Variants in KIRREL3 observed in about 807,000 individuals in gnomAD.
The protein encoded by KIRREL3 is kirre like nephrin family adhesion molecule 3.
In KIRREL3, 36 loss-of-function variants were observed where a neutral mutation model predicts 89.7. The ratio of observed to expected loss-of-function variants is 0.40; its 90% CI spans 0.31 to 0.53. The LOEUF (loss-of-function observed/expected upper bound fraction) is 0.53. KIRREL3 is among the 20% of genes least tolerant of loss of function. KIRREL3 has a pLI of 0.49. For missense variants in KIRREL3, 864 were observed against 1,056.6 expected (o/e 0.82, Z 2.53); for synonymous variants, 445 against 441.4 (o/e 1.01, Z -0.10).
intron 1 of KIRREL3, among the ~76,000 whole-genome samples, chr11:126,874,960 T>C (rs762226585): frequency 2.6e-5 from 4 of 152,188 alleles, no homozygotes; most frequent in Non-Finnish European, 5.9e-5. Context: ...TGTGTCTCAC[T>C]GCCCTAAATC....
chr11:126,513,784 A>G lies in KIRREL3; in HGVS notation c.433+7531T>C, dbSNP rs545455426. Among the ~76,000 whole-genome samples, 50 of 152,264 alleles carry G rather than the reference A, an allele frequency of 3.3e-4. 1 individual carries two copies. In the South Asian group the frequency reaches 0.01, roughly 31 times the overall value. On this transcript the variant is annotated intron_variant, in intron 4 of 16. Transcript: ENST00000525144. The surrounding 1 kb of genome is among the most constrained non-coding windows in gnomAD (Gnocchi z 5.9). ...GGGGCGACCCGCACACCTCAACTCAATGGCTGCAAGACCTCCAGGGAGACC... is the reference window on the plus strand; with the variant it reads ...GGGGCGACCCGCACACCTCAACTCAGTGGCTGCAAGACCTCCAGGGAGACC...
In KIRREL3 at chr11:126,656,538, A is replaced by G. The variant is rs754056278; in HGVS notation, c.56-93626T>C. Among the ~76,000 whole-genome samples, 10 of 152,208 alleles carry G rather than the reference A, an allele frequency of 6.6e-5. No homozygotes were observed. Among genetic ancestry groups the G allele is most frequent in the Non-Finnish European group, 1.2e-4 (8 of 68,040 alleles). ...TAAGTGGGGGATAAGGCAGCAGGTGACAGTGGTTGCGTGCTCCTGGGCACC... is the reference window on the plus strand; with the variant it reads ...TAAGTGGGGGATAAGGCAGCAGGTGGCAGTGGTTGCGTGCTCCTGGGCACC... On this transcript the variant is annotated intron_variant, in intron 1 of 16. Transcript: ENST00000525144. The surrounding 1 kb of genome is among the most constrained non-coding windows in gnomAD (Gnocchi z 4.0).
intron 1 of KIRREL3, among the ~76,000 whole-genome samples, chr11:126,861,724 A>G (rs955655333): frequency 1.3e-5 from 2 of 152,224 alleles, no homozygotes. Flanking sequence ...TTCACGTTTT[A>G]TCTGGCAGTC....
Position 126,814,875 on chromosome 11 carries a change from C to T in KIRREL3, c.55+185580G>A, listed in dbSNP as rs1350544510. Reference sequence around the variant, plus strand: ...TCATCGGTGCAGCGAACCACCATGGCACACGTATCTATGTAACAAACCTGC... The same window carrying T: ...TCATCGGTGCAGCGAACCACCATGGTACACGTATCTATGTAACAAACCTGC... On this transcript the variant is annotated intron_variant, in intron 1 of 16. Transcript: ENST00000525144. The surrounding 1 kb of genome is among the most constrained non-coding windows in gnomAD (Gnocchi z 4.4). Among the ~76,000 whole-genome samples, 2 of 152,156 alleles carry T rather than the reference C, an allele frequency of 1.3e-5. No individual in the cohort carries two copies. Among genetic ancestry groups the T allele is most frequent in the Non-Finnish European group, 2.9e-5 (2 of 68,044 alleles).
chr11:126,480,200 G>A (rs1333525499), intron 4 of KIRREL3, among the ~76,000 whole-genome samples: 1 of 152,140 alleles, frequency 6.6e-6, no homozygotes, highest in Non-Finnish European at 1.5e-5. Flanking sequence ...TATATAATCC[G>A]ACAACCTTAA....
chr11:126,537,412 G>A lies in KIRREL3; in HGVS notation c.134-10725C>T, dbSNP rs1303174579. On this transcript the variant is annotated intron_variant, in intron 2 of 16. Transcript: ENST00000525144. This position sits in a 1 kb window ranked among gnomAD's most constrained non-coding sequence, Gnocchi z 4.3. ...TTTAAGAGAATCTTGCTTCAAGCAA[G>A]GGAGTTGTGGGGAGGAAGCAGAGAA... 6.6e-6 allele frequency among the ~76,000 whole-genome samples: 1 copy of A among 152,232 alleles called. No individual in the cohort carries two copies. Among genetic ancestry groups the A allele is most frequent in the African/African-American group, 2.4e-5 (1 of 41,464 alleles).
intron 2 of KIRREL3, among the ~76,000 whole-genome samples, chr11:126,552,842 C>T (rs528772349): frequency 2.0e-5 from 3 of 152,012 alleles, no homozygotes; most frequent in South Asian, 2.1e-4. Flanking sequence ...GGATTACAGG[C>T]GTGAGCCACC....
chr11:126,585,869 A>C (rs562079753), intron 1 of KIRREL3, among the ~76,000 whole-genome samples: 1 of 152,244 alleles, frequency 6.6e-6, no homozygotes, highest in African/African-American at 2.4e-5. Flanking sequence ...TCCCGCACGG[A>C]ACGTGATTGG....
rs892111214 is a variant in KIRREL3, at chr11:126,429,676, A to C, written c.1697-388T>G. ...GGGCTCCAATCCCTCCATTCATAGA[A>C]CCATAAATCTCAGTGTTGGAAAGGA... On this transcript the variant is annotated intron_variant, in intron 14 of 16. Coordinates refer to ENST00000525144, the MANE Select transcript of KIRREL3 (RefSeq NM_032531.4). The surrounding 1 kb of genome is among the most constrained non-coding windows in gnomAD (Gnocchi z 5.2). 1.1e-4 allele frequency among the ~76,000 whole-genome samples: 17 copies of C among 152,274 alleles called. No homozygotes were observed. The highest frequency in any genetic ancestry group is 3.4e-3 in the Middle Eastern group (1 of 294).
intron 1 of KIRREL3, among the ~76,000 whole-genome samples, chr11:126,984,404 T>G (rs1465422160): frequency 6.6e-6 from 1 of 152,128 alleles, no homozygotes; most frequent in Non-Finnish European, 1.5e-5. Context: ...GAGTGCTCTA[T>G]GCCTTCAAGC....
At chr11:126,693,783 A>G (rs1412689002) in intron 1 of KIRREL3, among the ~76,000 whole-genome samples, 2 of 152,352 alleles carry the variant, frequency 1.3e-5, no homozygotes, top group East Asian at 3.9e-4. Flanking sequence ...AGCAGAGAAA[A>G]AGTGAGTGGA....
rs952684268 is a variant in KIRREL3 at position 126,783,499 on chromosome 11, C to G, written c.55+216956G>C. ...CACAATCCAACACATAACATATTCT[C>G]TTCCAAAAAAGCCACACTAATGAGG... is the stretch of plus-strand genomic sequence containing the variant. On this transcript the variant is annotated intron_variant, in intron 1 of 16. Coordinates refer to ENST00000525144, the MANE Select transcript of KIRREL3 (RefSeq NM_032531.4). The surrounding 1 kb of genome is among the most constrained non-coding windows in gnomAD (Gnocchi z 4.3). 9.2e-5 allele frequency among the ~76,000 whole-genome samples: 14 copies of G among 152,180 alleles called. No individual in the cohort carries two copies. The highest frequency in any genetic ancestry group is 1.9e-4 in the Non-Finnish European group (13 of 68,044).
chr11:126,909,267 G>T lies in KIRREL3; in HGVS notation c.55+91188C>A, dbSNP rs1478399395. ...TGGGAGGTGTGGCACTAAAACCCAG[G>T]CTCCGGCCTGGGACTCTTTACATTA... On this transcript the variant is annotated intron_variant, in intron 1 of 16. Coordinates refer to ENST00000525144, the MANE Select transcript of KIRREL3 (RefSeq NM_032531.4). This position sits in a 1 kb window ranked among gnomAD's most constrained non-coding sequence, Gnocchi z 4.5. Among the ~76,000 whole-genome samples, 2 of 152,132 alleles carry T rather than the reference G, an allele frequency of 1.3e-5. No individual in the cohort carries two copies. Among genetic ancestry groups the T allele is most frequent in the Non-Finnish European group, 2.9e-5 (2 of 68,022 alleles).
rs561819328 is a variant in KIRREL3, at chr11:126,714,475, C to T, written c.56-151563G>A. On this transcript the variant is annotated intron_variant, in intron 1 of 16. Transcript: ENST00000525144. ...TGGGACAGCGGGTGTGATGGAGTCACGGAGATGTGATGGGGGGCATTTGGG... is the reference window on the plus strand; with the variant it reads ...TGGGACAGCGGGTGTGATGGAGTCATGGAGATGTGATGGGGGGCATTTGGG... Among the ~76,000 whole-genome samples the T allele has an allele frequency of 7.2e-4, 110 of 152,260 alleles. 1 individual carries two copies. Among genetic ancestry groups the T allele is most frequent in the Admixed American group, 6.0e-3 (92 of 15,298 alleles).
At chr11:126,503,828 CCT>C (rs941384964) in intron 4 of KIRREL3, among the ~76,000 whole-genome samples, 38 of 151,012 alleles carry the variant, frequency 2.5e-4, no homozygotes, top group African/African-American at 7.8e-4. Flanking sequence ...TCCTTCCTTC[CCT>C]CTCTCTCTTT....
intron 1 of KIRREL3, among the ~76,000 whole-genome samples, chr11:126,671,021 C>A (rs1945918190): frequency 6.6e-6 from 1 of 152,012 alleles, no homozygotes; most frequent in Non-Finnish European, 1.5e-5. Context: ...CAGAAATAGA[C>A]CCACACAAAT....
chr11:126,813,797 A>G (rs753227741), intron 1 of KIRREL3, among the ~76,000 whole-genome samples: 1 of 152,156 alleles, frequency 6.6e-6, no homozygotes, highest in Non-Finnish European at 1.5e-5. Context: ...GGATCCCCGA[A>G]ACTAGAAAAA....
Position 126,769,763 on chromosome 11 carries a change from C to T in KIRREL3, c.56-206851G>A, listed in dbSNP as rs1333930972. Reference sequence around the variant, plus strand: ...AGGTGGAGGGTGCAGTGGTTTCCAGCTGGGGTTCTGGAATCAGACGACGCA... The same window carrying T: ...AGGTGGAGGGTGCAGTGGTTTCCAGTTGGGGTTCTGGAATCAGACGACGCA... On this transcript the variant is annotated intron_variant, in intron 1 of 16. Transcript: ENST00000525144. This position sits in a 1 kb window ranked among gnomAD's most constrained non-coding sequence, Gnocchi z 4.3. 6.6e-6 allele frequency among the ~76,000 whole-genome samples: 1 copy of T among 152,156 alleles called. No homozygotes were observed. Among genetic ancestry groups the T allele is most frequent in the Non-Finnish European group, 1.5e-5 (1 of 68,028 alleles).
At chr11:126,760,280 A>G (rs1253068830) in intron 1 of KIRREL3, among the ~76,000 whole-genome samples, 1 of 152,214 alleles carries the variant, frequency 6.6e-6, no homozygotes, top group Admixed American at 6.5e-5. Context: ...TGAGATACCT[A>G]GATCATCAAA....
Sources: gnomAD v4.1 joint callset for allele counts (sites outside exome capture counted in the v4.1 genomes callset) on GRCh38, gnomAD v4.1.1 for gene constraint, Gnocchi (gnomAD v3.1) non-coding constraint, MANE v1.5 for transcripts, NCBI Gene and HGNC (gene_info 2026-07-23, HGNC 2026-07-21) for gene names.